Variants in PDZRN3 observed in about 807,000 individuals in gnomAD.
PDZRN3 encodes PDZ domain containing ring finger 3.
In PDZRN3, 38 loss-of-function variants were observed where a neutral mutation model predicts 85.7. The observed-to-expected ratio is 0.44, with a 90% CI of 0.34 to 0.58. PDZRN3 has a LOEUF of 0.58. PDZRN3 is among the 20% of genes least tolerant of loss of function. The pLI is 0.01. For synonymous variants in PDZRN3, 759 were observed against 638.0 expected (o/e 1.19, Z -2.86); for missense variants, 1,629 against 1,506.4 (o/e 1.08, Z -1.35).
At chr3:73,391,449 A>G (rs1011864786) in intron 5 of PDZRN3, among the ~76,000 whole-genome samples, 2 of 152,154 alleles carry the variant, frequency 1.3e-5, no homozygotes, top group African/African-American at 4.8e-5. Flanking sequence ...AAACAAGAAT[A>G]TTTCCATACC....
chr3:73,385,584 T>TC, intron 9 of PDZRN3, 85 bp downstream of exon 9: 1 of 814,706 alleles, frequency 1.2e-6, no homozygotes, highest in South Asian at 1.5e-5. Context: ...CTGATGGTCT[T>TC]TAGCACCATA....
chr3:73,498,758 T>C (rs1377147888), intron 3 of PDZRN3, among the ~76,000 whole-genome samples: 1 of 152,126 alleles, frequency 6.6e-6, no homozygotes, highest in African/African-American at 2.4e-5. Context: ...CTAATTTTTG[T>C]ATATTTAGTA....
At chr3:73,385,025 G>T in intron 9 of PDZRN3, 95 bp from the exon 10 acceptor site, 1 of 1,426,476 alleles carries the variant, frequency 7.0e-7, no homozygotes, top group Non-Finnish European at 9.4e-7. Context: ...GATAGGGCAG[G>T]CTGTACATTT....
intron 1 of PDZRN3, among the ~76,000 whole-genome samples, chr3:73,612,713 C>CT (rs374232108): frequency 2.6e-5 from 4 of 152,158 alleles, no homozygotes; most frequent in African/African-American, 9.7e-5. Flanking sequence ...CAGGGCTGGA[C>CT]TTAAGATGTC....
chr3:73,428,576 A>C lies in PDZRN3; in HGVS notation c.919-24181T>G, dbSNP rs1466691236. 3.3e-5 allele frequency among the ~76,000 whole-genome samples: 5 copies of C among 152,296 alleles called. No homozygotes were observed. In the South Asian group the frequency reaches 1.0e-3, roughly 32 times the overall value. ...GCAGGGCACCTTGGAATACTTCAGA[A>C]GGACACCTAAGCTAGGACGGTGGGT... On this transcript the variant is annotated intron_variant, in intron 3 of 9. Transcript: ENST00000263666.
intron 3 of PDZRN3, among the ~76,000 whole-genome samples, chr3:73,596,952 G>C (rs62248671): frequency 0.34 from 52,184 of 152,010 alleles, 11,009 homozygotes; most frequent in East Asian, 0.5. Context: ...TCACACTGAT[G>C]AATTTAGTGA....
chr3:73,563,170 C>T (rs1483867434), intron 3 of PDZRN3, among the ~76,000 whole-genome samples: 1 of 150,020 alleles, frequency 6.7e-6, no homozygotes, highest in Non-Finnish European at 1.5e-5. Context: ...AGGTGCCCGC[C>T]ACCACGCCCG....
intron 3 of PDZRN3, among the ~76,000 whole-genome samples, chr3:73,441,944 C>A (rs981760817): frequency 1.3e-5 from 2 of 152,220 alleles, no homozygotes; most frequent in African/African-American, 4.8e-5. Context: ...TACCAAATGG[C>A]CTGATCACAA....
intron 3 of PDZRN3, among the ~76,000 whole-genome samples, chr3:73,458,805 T>G (rs547868310): frequency 4.6e-5 from 7 of 151,150 alleles, no homozygotes; most frequent in African/African-American, 1.7e-4. Context: ...GCATGGCCAA[T>G]ATGGTGAAAC....
intron 3 of PDZRN3, among the ~76,000 whole-genome samples, chr3:73,600,659 A>C (rs946750144): frequency 1.3e-5 from 2 of 152,192 alleles, no homozygotes; most frequent in African/African-American, 2.4e-5. Flanking sequence ...CTTTGCCAAG[A>C]GAAAATCCTG....
At chr3:73,434,188 T>C (rs888410155) in intron 3 of PDZRN3, among the ~76,000 whole-genome samples, 3 of 152,228 alleles carry the variant, frequency 2.0e-5, no homozygotes, top group African/African-American at 7.2e-5. Flanking sequence ...TGCAAGCTAT[T>C]TTCTGGCAGT....
At chr3:73,518,699 T>C (rs1020770988) in intron 3 of PDZRN3, among the ~76,000 whole-genome samples, 4 of 152,156 alleles carry the variant, frequency 2.6e-5, no homozygotes, top group Non-Finnish European at 4.4e-5. Flanking sequence ...ATTTAGTGTC[T>C]AGTGAGGGCC....
chr3:73,405,711 A>G (rs1200854215), intron 3 of PDZRN3, among the ~76,000 whole-genome samples: 1 of 152,200 alleles, frequency 6.6e-6, no homozygotes, highest in Non-Finnish European at 1.5e-5. Flanking sequence ...TTTAGCATGT[A>G]TTTATAAATG....
chr3:73,433,585 A>C, intron 3 of PDZRN3: 1 of 1,199,510 alleles, frequency 8.3e-7, no homozygotes, highest in Non-Finnish European at 1.2e-6. Context: ...TAGAAGTTAC[A>C]CTTGGCCAGG....
intron 3 of PDZRN3, among the ~76,000 whole-genome samples, chr3:73,409,607 C>T (rs933526888): frequency 2.0e-5 from 3 of 152,094 alleles, no homozygotes; most frequent in Admixed American, 6.6e-5. Context: ...TTATGGGTGG[C>T]GTTTTACCAA....
chr3:73,624,202 C>T lies in PDZRN3; in HGVS notation c.624G>A (p.Glu208=). 1 of 1,490,974 alleles carries T rather than the reference C, an allele frequency of 6.7e-7. No individual in the cohort carries two copies. Among genetic ancestry groups the T allele is most frequent in the South Asian group, 1.3e-5 (1 of 78,842 alleles). 92.4% of individuals were successfully genotyped at this position (1,490,974 alleles called of 1,614,324 possible). ...GGTAGCGCAGCGCGGTCATCTGCAGCTCAAGCTGCGCCGCGGCCAGCTGGG... is the reference window on the plus strand; with the variant it reads ...GGTAGCGCAGCGCGGTCATCTGCAGTTCAAGCTGCGCCGCGGCCAGCTGGG... ...LVAQLAAAQL[E]LQMTALRYQK... is the part of the protein sequence containing the mutation. Residue 208 remains glutamate (E), a synonymous_variant, in exon 1 of 10, where the codon GAG becomes GAA. Coordinates refer to ENST00000263666, the MANE Select transcript of PDZRN3 (RefSeq NM_015009.3).
rs1189969031 is a variant in PDZRN3 at position 73,406,495 on chromosome 3, G to A, written c.919-2100C>T. ...GAATTTACAATGCTACAGCAAATTT[G>A]TTGCTGAGAATAAATTAATGCAACA... On this transcript the variant is annotated intron_variant, in intron 3 of 9. Transcript: ENST00000263666. Among the ~76,000 whole-genome samples, 4 of 152,180 alleles carry A rather than the reference G, an allele frequency of 2.6e-5. No homozygotes were observed. In the East Asian group the frequency reaches 7.7e-4, roughly 29 times the overall value.
intron 3 of PDZRN3, among the ~76,000 whole-genome samples, chr3:73,558,113 A>G (rs1224354047): frequency 6.6e-6 from 1 of 152,022 alleles, no homozygotes; most frequent in Non-Finnish European, 1.5e-5. Context: ...AAATACAGAA[A>G]TTCTGTTGCC....
chr3:73,593,295 C>G (rs777983640), intron 3 of PDZRN3, among the ~76,000 whole-genome samples: 1 of 152,096 alleles, frequency 6.6e-6, no homozygotes. Flanking sequence ...GAATTTAATG[C>G]GGACATTGGT....
Sources: allele counts gnomAD v4.1 joint callset (sites outside exome capture counted in the v4.1 genomes callset), GRCh38; gene constraint gnomAD v4.1.1; transcripts MANE v1.5; gene names NCBI Gene and HGNC (gene_info 2026-07-23, HGNC 2026-07-21).